The following ASIC2 variants were observed in gnomAD, a reference collection of about 807,000 sequenced individuals.
ASIC2 encodes acid-sensing ion channel 2.
A neutral mutation model predicts 57.3 loss-of-function variants in ASIC2; 25 were observed. The observed-to-expected ratio is 0.44, with a 90% confidence interval of 0.32 to 0.61. The LOEUF is 0.61. Ranked by LOEUF, ASIC2 falls within the 20% of genes least tolerant of loss-of-function variation. ASIC2 has a pLI of 0.06. For missense variants in ASIC2, 641 were observed against 738.1 expected (o/e 0.87, Z 1.52); for synonymous variants, 319 against 307.5 (o/e 1.04, Z -0.39).
At chr17:33,214,345 C>G (rs1398118845) in intron 1 of ASIC2, among the ~76,000 whole-genome samples, 1 of 152,162 alleles carries the variant, frequency 6.6e-6, no homozygotes, top group African/African-American at 2.4e-5. Context: ...GGCTGATGGC[C>G]TGAAGGCTGA....
intron 1 of ASIC2, among the ~76,000 whole-genome samples, chr17:33,229,638 G>T (rs989161065): frequency 3.9e-5 from 6 of 152,252 alleles, no homozygotes; most frequent in African/African-American, 1.4e-4. Context: ...CACACATGGA[G>T]ACATGAAACG....
intron 1 of ASIC2, among the ~76,000 whole-genome samples, chr17:33,780,784 A>G (rs1422476569): frequency 6.6e-6 from 1 of 152,190 alleles, no homozygotes; most frequent in African/African-American, 2.4e-5. Flanking sequence ...AGGGCCCTTC[A>G]GGGAGCAAGA....
At chr17:33,831,883 C>A (rs887033889) in intron 1 of ASIC2, among the ~76,000 whole-genome samples, 1 of 152,326 alleles carries the variant, frequency 6.6e-6, no homozygotes, top group East Asian at 1.9e-4. Flanking sequence ...GTTCTGTTGA[C>A]TTGGAAACTC....
intron 1 of ASIC2, among the ~76,000 whole-genome samples, chr17:33,415,902 C>T (rs1204183088): frequency 6.6e-6 from 1 of 152,186 alleles, no homozygotes; most frequent in African/African-American, 2.4e-5. Flanking sequence ...CCGCCTGGAA[C>T]CTGTGTGGGC....
intron 1 of ASIC2, among the ~76,000 whole-genome samples, chr17:33,620,251 A>AC (rs1355770120): frequency 3.3e-5 from 5 of 151,492 alleles, no homozygotes; most frequent in Non-Finnish European, 5.9e-5. Flanking sequence ...AAAAAAAAAA[A>AC]AAAAAAAAAA....
At chr17:33,420,022 G>A (rs1213134693) in intron 1 of ASIC2, among the ~76,000 whole-genome samples, 2 of 152,198 alleles carry the variant, frequency 1.3e-5, no homozygotes, top group African/African-American at 4.8e-5. Flanking sequence ...GGTGATGAGG[G>A]AATAAGGAAT....
intron 1 of ASIC2, among the ~76,000 whole-genome samples, chr17:33,201,200 T>A (rs1367024679): frequency 6.6e-6 from 1 of 152,204 alleles, no homozygotes; most frequent in African/African-American, 2.4e-5. Context: ...AGTGAGGACA[T>A]GGATTTTGAT....
At chr17:33,778,772 G>A (rs1911360525) in intron 1 of ASIC2, among the ~76,000 whole-genome samples, 1 of 152,176 alleles carries the variant, frequency 6.6e-6, no homozygotes. Context: ...GGGTATTGAT[G>A]CACGTTAAGT....
chr17:34,048,649 T>A (rs563899502), intron 1 of ASIC2, among the ~76,000 whole-genome samples: 1 of 152,378 alleles, frequency 6.6e-6, no homozygotes, highest in East Asian at 1.9e-4. Flanking sequence ...AACTGCTCTA[T>A]CTCAATTTCT....
At chr17:33,788,035 T>C (rs534321475) in intron 1 of ASIC2, among the ~76,000 whole-genome samples, 13 of 152,080 alleles carry the variant, frequency 8.5e-5, no homozygotes, top group African/African-American at 2.9e-4. Context: ...CAAAAGCAAT[T>C]GCAACAAAAG....
chr17:33,149,773 G>A (rs1368832832), intron 1 of ASIC2, among the ~76,000 whole-genome samples: 3 of 152,152 alleles, frequency 2.0e-5, no homozygotes, highest in Non-Finnish European at 4.4e-5. Context: ...GATCAATAGT[G>A]AGGTTGAAAG....
intron 1 of ASIC2, among the ~76,000 whole-genome samples, chr17:33,284,420 C>T (rs1260999174): frequency 6.6e-6 from 1 of 152,144 alleles, no homozygotes; most frequent in Admixed American, 6.5e-5. Flanking sequence ...CATAGATCTA[C>T]TTCTCTTCTG....
chr17:33,433,448 G>A (rs1473643481), intron 1 of ASIC2, among the ~76,000 whole-genome samples: 1 of 152,188 alleles, frequency 6.6e-6, no homozygotes, highest in Non-Finnish European at 1.5e-5. Context: ...TAACCAGTGG[G>A]TATTAGGCTT....
At chr17:33,949,334 T>C (rs1165637252) in intron 1 of ASIC2, among the ~76,000 whole-genome samples, 1 of 152,190 alleles carries the variant, frequency 6.6e-6, no homozygotes, top group Non-Finnish European at 1.5e-5. Flanking sequence ...GCCCCCTAGC[T>C]GTTCGCTGGC....
chr17:33,305,072 C>G (rs961315278), intron 1 of ASIC2, among the ~76,000 whole-genome samples: 4 of 152,150 alleles, frequency 2.6e-5, no homozygotes, highest in African/African-American at 9.7e-5. Flanking sequence ...AAAATCCATA[C>G]TATTAATAGC....
rs530991094 is a variant in ASIC2, at chr17:33,891,753, G to GTTTA, written c.555+264221_555+264224dup. ...CTACTGCTGGCTTCGTGTTTTTAAA[G>GTTTA]TTTATTTATTTATTTTAGTGAGCTA... On this transcript the variant is annotated intron_variant, in intron 1 of 9. Transcript: ENST00000359872. Among the ~76,000 whole-genome samples, 513 of 152,216 alleles carry GTTTA rather than the reference G, an allele frequency of 3.4e-3. 4 individuals are homozygous for GTTTA. The highest frequency in any genetic ancestry group is 0.011 in the African/African-American group (449 of 41,514).
At chr17:33,583,151 A>G (rs1220735385) in intron 1 of ASIC2, among the ~76,000 whole-genome samples, 1 of 152,178 alleles carries the variant, frequency 6.6e-6, no homozygotes, top group Non-Finnish European at 1.5e-5. Context: ...GGGGGAGAGG[A>G]AGCTATTAGT....
intron 1 of ASIC2, among the ~76,000 whole-genome samples, chr17:33,551,007 C>T (rs561898661): frequency 6.6e-6 from 1 of 152,106 alleles, no homozygotes; most frequent in African/African-American, 2.4e-5. Context: ...TTGTTCTGTG[C>T]AGGATTTCTT....
chr17:34,086,814 G>C (rs1393549234), intron 1 of ASIC2, among the ~76,000 whole-genome samples: 1 of 152,148 alleles, frequency 6.6e-6, no homozygotes, highest in African/African-American at 2.4e-5. Context: ...TGTCTCTTTT[G>C]ATCTTTGTTG....
Sources: allele counts gnomAD v4.1 joint callset (sites outside exome capture counted in the v4.1 genomes callset), GRCh38; gene constraint gnomAD v4.1.1; transcripts MANE v1.5; gene names NCBI Gene and HGNC (gene_info 2026-07-23, HGNC 2026-07-21).